The following PCDHGB6 variants were observed in gnomAD, a reference collection of about 807,000 sequenced individuals.
PCDHGB6 encodes the protein protocadherin gamma-B6.
In PCDHGB6, 51 loss-of-function variants were observed where a neutral mutation model predicts 59.1. The observed-to-expected ratio is 0.86, with a 90% CI of 0.69 to 1.09. PCDHGB6 has a LOEUF of 1.09. Ranked by LOEUF, PCDHGB6 falls within the 50% of genes least tolerant of loss-of-function variation. The pLI is 0.00. For missense variants in PCDHGB6, 1,148 were observed against 1,205.1 expected, an observed-to-expected ratio of 0.95 and a Z score of 0.70; for synonymous variants, 466 against 495.1, an observed-to-expected ratio of 0.94 and a Z score of 0.78.
In PCDHGB6 at chr5:141,408,904, T is replaced by C. The variant is rs779095615; in HGVS notation, c.702T>C (p.Asp234=). The change falls in exon 1 of 4, where the codon GAT becomes GAC. Residue 234 remains aspartate, a synonymous_variant. Transcript: ENST00000520790. ...CTCACATAGAAATTTCTGTCAAGGA[T>C]ACCAATGATAACCCCCCGGTTTTCA... The part of the protein sequence containing the change: ...ATAHIEISVK[D]TNDNPPVFSR... 14 of 1,613,246 alleles carry C rather than the reference T, an allele frequency of 8.7e-6. No homozygotes were observed. Among genetic ancestry groups the C allele is most frequent in the Admixed American group, 3.3e-5 (2 of 59,936 alleles).
rs527514615 is a variant in PCDHGB6 at position 141,485,941 on chromosome 5, A to G, written c.2419-8866A>G. ...GGATTAGTGTGTTGGAGAGCGCACC[A>G]GCGGGCATGGTGCTCATCCAGCTCA... is the stretch of plus-strand genomic sequence containing the variant. On this transcript the variant is annotated intron_variant, in intron 1 of 3. Coordinates refer to ENST00000520790, the MANE Select transcript of PCDHGB6 (RefSeq NM_018926.3). This position sits in a 1 kb window ranked among gnomAD's most constrained non-coding sequence, Gnocchi z 5.7. The G allele has an allele frequency of 2.5e-6, 4 of 1,614,180 alleles. No homozygotes were observed. The highest frequency in any genetic ancestry group is 2.7e-5 in the African/African-American group (2 of 75,032).
chr5:141,411,184 G>A (rs1478666914), intron 1 of PCDHGB6: 1 of 152,108 alleles, frequency 6.6e-6, no homozygotes, highest in Admixed American at 6.6e-5. Context: ...AGTGGTCTTG[G>A]CATCTAAGAA....
At chr5:141,505,592 A>G in intron 3 of PCDHGB6, 111 bp downstream of exon 3, 1 of 1,567,266 alleles carries the variant, frequency 6.4e-7, no homozygotes. Context: ...GTTTCTCCAG[A>G]TCTTTCGGCA....
At chr5:141,438,303 T>G (rs2097949191) in intron 1 of PCDHGB6, among the ~76,000 whole-genome samples, 1 of 152,068 alleles carries the variant, frequency 6.6e-6, no homozygotes, top group African/African-American at 2.4e-5. Flanking sequence ...TAAAAGAAGT[T>G]GGTACCACCA....
chr5:141,468,868 AAATAAT>A (rs993655754), intron 1 of PCDHGB6, among the ~76,000 whole-genome samples: 1 of 151,794 alleles, frequency 6.6e-6, no homozygotes, highest in Non-Finnish European at 1.5e-5. Context: ...TCCATCTCAA[AAATAAT>A]AATAATAATA....
At chr5:141,501,716 A>G (rs2099810687) in intron 2 of PCDHGB6, among the ~76,000 whole-genome samples, 1 of 152,160 alleles carries the variant, frequency 6.6e-6, no homozygotes, top group African/African-American at 2.4e-5. Flanking sequence ...TAAAAAAGAC[A>G]AATATATTAC....
chr5:141,438,392 ATTAAC>A (rs1296512476), intron 1 of PCDHGB6, among the ~76,000 whole-genome samples: 3 of 151,714 alleles, frequency 2.0e-5, no homozygotes, highest in African/African-American at 7.3e-5. Context: ...TTAGTTCATC[ATTAAC>A]TCTCTGAAGT....
At chr5:141,461,799 G>T (rs1025237561) in intron 1 of PCDHGB6, among the ~76,000 whole-genome samples, 5 of 151,188 alleles carry the variant, frequency 3.3e-5, no homozygotes, top group Admixed American at 1.3e-4. Context: ...GATTACAGGT[G>T]CCCACCACCA....
At chr5:141,423,354 C>A in intron 1 of PCDHGB6, 1 of 1,614,202 alleles carries the variant, frequency 6.2e-7, no homozygotes. Context: ...TGGTCTTTGT[C>A]ATCGTGCTGC....
At chr5:141,488,020 T>C (rs985558790) in intron 1 of PCDHGB6, among the ~76,000 whole-genome samples, 3 of 152,174 alleles carry the variant, frequency 2.0e-5, no homozygotes, top group African/African-American at 7.2e-5. Context: ...GTACCTTAAC[T>C]CTAGGTTACC....
chr5:141,479,490 G>A (rs1334340000), intron 1 of PCDHGB6: 1 of 152,248 alleles, frequency 6.6e-6, no homozygotes, highest in Non-Finnish European at 1.5e-5. Context: ...AGGACCATCA[G>A]GTTGCCTAAA....
At chr5:141,423,140 C>T (rs760216287) in intron 1 of PCDHGB6, 7 of 1,613,498 alleles carry the variant, frequency 4.3e-6, no homozygotes, top group Non-Finnish European at 2.5e-6. Flanking sequence ...GACAGAGACG[C>T]GCTCAAGCAG....
intron 1 of PCDHGB6, chr5:141,426,795 C>G (rs1214340018): frequency 2.2e-6 from 1 of 456,700 alleles, no homozygotes. Context: ...GAGTTACCAG[C>G]TCAGTTCTAA....
intron 1 of PCDHGB6, among the ~76,000 whole-genome samples, chr5:141,469,304 C>T (rs890230691): frequency 2.0e-5 from 3 of 151,892 alleles, no homozygotes; most frequent in East Asian, 1.9e-4. Flanking sequence ...AGACTGGGCA[C>T]GATGGCTCAC....
At chr5:141,418,563 C>A (rs2096269554) in intron 1 of PCDHGB6, 2 of 1,613,998 alleles carry the variant, frequency 1.2e-6, no homozygotes, top group Non-Finnish European at 1.7e-6. Context: ...GTAATAGATG[C>A]CAATGACAAC....
At chr5:141,422,333 T>C in intron 1 of PCDHGB6, 1 of 1,549,594 alleles carries the variant, frequency 6.5e-7, no homozygotes, top group Non-Finnish European at 8.7e-7. Flanking sequence ...GTGATTGCTC[T>C]TCTAAATGTG....
At position 141,487,571 on chromosome 5, in the gene PCDHGB6, G is replaced by A; in HGVS notation, c.2419-7236G>A. The A allele has an allele frequency of 4.3e-6, 7 of 1,614,178 alleles. No individual in the cohort carries two copies. The highest frequency in any genetic ancestry group is 5.9e-6 in the Non-Finnish European group (7 of 1,180,038). On this transcript the variant is annotated intron_variant, in intron 1 of 3. Coordinates refer to ENST00000520790, the MANE Select transcript of PCDHGB6 (RefSeq NM_018926.3). This position sits in a 1 kb window ranked among gnomAD's most constrained non-coding sequence, Gnocchi z 5.0. ...CAGTGCACCTATGGCAGGGGAGCCTGTTCGCCCAAGCTGCCCACCCTCTGA... is the reference window on the plus strand; with the variant it reads ...CAGTGCACCTATGGCAGGGGAGCCTATTCGCCCAAGCTGCCCACCCTCTGA...
chr5:141,419,842 C>A, intron 1 of PCDHGB6: 1 of 1,614,074 alleles, frequency 6.2e-7, no homozygotes, highest in South Asian at 1.1e-5. Flanking sequence ...CCACGCTGCA[C>A]CTGGTGTTCG....
chr5:141,431,023 C>G lies in PCDHGB6; in HGVS notation c.2418+20403C>G. 6.2e-7 allele frequency: 1 copy of G among 1,613,748 alleles called. No homozygotes were observed. Among genetic ancestry groups the G allele is most frequent in the Non-Finnish European group, 8.5e-7 (1 of 1,179,820 alleles). On this transcript the variant is annotated intron_variant, in intron 1 of 3. Transcript: ENST00000520790. This position sits in a 1 kb window ranked among gnomAD's most constrained non-coding sequence, Gnocchi z 4.8. ...GCAGCGGCAGCTTGGTCACGGCGGG[C>G]AGGATAGACCGGGAGGAGCTCTGTA...
Sources: gnomAD v4.1 joint callset for allele counts (sites outside exome capture counted in the v4.1 genomes callset) on GRCh38, gnomAD v4.1.1 for gene constraint, Gnocchi (gnomAD v3.1) non-coding constraint, MANE v1.5 for transcripts, NCBI Gene and HGNC (gene_info 2026-07-23, HGNC 2026-07-21) for gene names.